Variants in KRT74 observed in about 807,000 individuals in gnomAD.
KRT74 encodes the protein keratin 74, also known as keratin, type II cytoskeletal 74.
Under a neutral mutation model 42.7 loss-of-function variants are expected in KRT74, and 43 were observed. That is an observed-to-expected ratio of 1.01 (90% confidence interval 0.79 to 1.30). The LOEUF (loss-of-function observed/expected upper bound fraction) is 1.30, where lower values mean the gene tolerates loss of function less well. Among genes scored for constraint, KRT74 ranks in the 50% most tolerant of loss-of-function variants. The probability of loss-of-function intolerance (pLI) is 0.00; values close to 1 mark genes in which losing one functional copy is unlikely to be tolerated. For synonymous variants in KRT74, 302 were observed against 279.0 expected (o/e 1.08, Z -0.82); for missense variants, 736 against 689.1 (o/e 1.07, Z -0.76).
Position 52,573,545 on chromosome 12 carries a change from C to A in KRT74, c.233G>T (p.Gly78Val). ...GGCCCGGCCCCCTCCATACCCAGAG[C>A]CAGGCCTGAAGCCGTAACCTCCAGC... ...VRAGGYGFRP[G>V]SGYGGGRASG... The change falls in exon 1 of 9, where the codon GGC becomes GTC. Residue 78 changes from glycine to valine, a missense_variant. Gly to Val is a moderately radical substitution (Grantham distance 109). Coordinates refer to ENST00000305620, the MANE Select transcript of KRT74 (RefSeq NM_175053.4). The A allele has an allele frequency of 6.2e-7, 1 of 1,614,090 alleles. No individual in the cohort carries two copies. Among genetic ancestry groups the A allele is most frequent in the East Asian group, 2.2e-5 (1 of 44,882 alleles).
chr12:52,569,742 C>A, intron 6 of KRT74, 117 bp downstream of exon 6: 1 of 1,356,538 alleles, frequency 7.4e-7, no homozygotes. Context: ...CTGTGGGTGG[C>A]CGAGGGACCC....
Position 52,570,769 on chromosome 12 carries a change from C to T in KRT74, c.908G>A (p.Arg303Gln), listed in dbSNP as rs766622686. The change falls in exon 5 of 9, where the codon CGG becomes CAG. Residue 303 changes from arginine (R) to glutamine (Q), a missense_variant. Arg to Gln is a conservative substitution (Grantham distance 43). Transcript: ENST00000305620. ...TSVILSMDNN[R>Q]DLDLDSIIAE... ...GATGATGCTGTCAAGGTCCAGGTCCCGGTTGTTGTCCATGGACAGGATGAC... is the reference window on the plus strand; with the variant it reads ...GATGATGCTGTCAAGGTCCAGGTCCTGGTTGTTGTCCATGGACAGGATGAC... 29 of 1,614,226 alleles carry T rather than the reference C, an allele frequency of 1.8e-5. No homozygotes were observed. The highest frequency in any genetic ancestry group is 1.6e-4 in the Middle Eastern group (1 of 6,062).
chr12:52,572,393 T>C (rs1565608735), intron 2 of KRT74, 60 bp downstream of exon 2: 1 of 1,558,804 alleles, frequency 6.4e-7, no homozygotes, highest in Non-Finnish European at 8.8e-7. Flanking sequence ...GGCACAGAGA[T>C]CAGGTGAGCC....
intron 5 of KRT74, 68 bp downstream of exon 5, chr12:52,570,601 T>A: frequency 5.9e-6 from 9 of 1,534,138 alleles, no homozygotes; most frequent in Non-Finnish European, 7.2e-6. Flanking sequence ...TTCCTCACAT[T>A]CACTGTGCAG....
Position 52,569,047 on chromosome 12 carries a change from T to C in KRT74, c.1135-658A>G, listed in dbSNP as rs1254148062. Among the ~76,000 whole-genome samples the C allele has an allele frequency of 2.6e-5, 4 of 152,114 alleles. No individual in the cohort carries two copies. In the East Asian group the frequency reaches 7.7e-4, roughly 29 times the overall value. On this transcript the variant is annotated intron_variant, in intron 6 of 8. Coordinates refer to ENST00000305620, the MANE Select transcript of KRT74 (RefSeq NM_175053.4). ...TGTGAATCGGCCAAATGTAGAGTCGTAGAGTTGTCCCTGTGTTTGCCTGCA... is the reference window on the plus strand; with the variant it reads ...TGTGAATCGGCCAAATGTAGAGTCGCAGAGTTGTCCCTGTGTTTGCCTGCA...
chr12:52,568,930 G>T (rs1441301939), intron 6 of KRT74, among the ~76,000 whole-genome samples: 1 of 152,212 alleles, frequency 6.6e-6, no homozygotes, highest in South Asian at 2.1e-4. Flanking sequence ...TAAATTATAG[G>T]CACAACCTCA....
At position 52,572,363 on chromosome 12, in the gene KRT74, C is replaced by T. The variant is rs559559757; in HGVS notation, c.686+90G>A. 1.1e-5 allele frequency: 15 copies of T among 1,368,224 alleles called. No individual in the cohort carries two copies. The African/African-American group carries it at 2.0e-4, about 18-fold the overall frequency. 84.8% of individuals were successfully genotyped at this position (1,368,224 alleles called of 1,614,324 possible). On this transcript the variant is annotated intron_variant, in intron 2 of 8. Coordinates refer to ENST00000305620, the MANE Select transcript of KRT74 (RefSeq NM_175053.4). ...AGCTCCTGACCCTGGTGCATACTCCCCCATCTCCTAAAAAATAATGGCACA... is the reference window on the plus strand; with the variant it reads ...AGCTCCTGACCCTGGTGCATACTCCTCCATCTCCTAAAAAATAATGGCACA...
At chr12:52,572,910 G>C (rs752293597) in intron 1 of KRT74, among the ~76,000 whole-genome samples, 2 of 152,022 alleles carry the variant, frequency 1.3e-5, no homozygotes, top group African/African-American at 2.4e-5. Context: ...TCTATTGCTC[G>C]GCCCTGGTCC....
chr12:52,570,959 A>G, intron 4 of KRT74, 126 bp from the exon 5 acceptor site: 5 of 1,078,622 alleles, frequency 4.6e-6, no homozygotes, highest in Non-Finnish European at 5.6e-6. Flanking sequence ...AGTAGGGGGA[A>G]GAAGTGCCCT....
At chr12:52,569,830 C>A (rs371960701) in intron 6 of KRT74, 29 bp downstream of exon 6, 1 of 1,613,964 alleles carries the variant, frequency 6.2e-7, no homozygotes, top group Non-Finnish European at 8.5e-7. Context: ...CTGTGGAGAC[C>A]GGGAGTTCTT....
rs1408157702 is a variant in KRT74 at position 52,568,222 on chromosome 12, G to C, written c.1302C>G (p.Ala434=). 6.2e-7 allele frequency: 1 copy of C among 1,613,954 alleles called. No individual in the cohort carries two copies. The highest frequency in any genetic ancestry group is 8.5e-7 in the Non-Finnish European group (1 of 1,180,016). ...GGTAGGTGGCAATCTCCATGTCCAG[G>C]GCCAGTTTCAGGCTCATGAGCTCCT... is the stretch of plus-strand genomic sequence containing the variant. The part of the protein sequence containing the change: ...EYQELMSLKL[A]LDMEIATYRK... The change falls in exon 7 of 9, where the codon GCC becomes GCG. Residue 434 remains alanine (A), a synonymous_variant. Coordinates refer to ENST00000305620, the MANE Select transcript of KRT74 (RefSeq NM_175053.4).
intron 7 of KRT74, 41 bp downstream of exon 7, chr12:52,568,128 A>T (rs752639453): frequency 1.2e-6 from 2 of 1,610,940 alleles, no homozygotes; most frequent in South Asian, 2.2e-5. Context: ...CAGGAGCCAC[A>T]CCCCAGTCCC....
At chr12:52,569,748 G>A (rs1191386270) in intron 6 of KRT74, 111 bp downstream of exon 6, 2 of 1,402,104 alleles carry the variant, frequency 1.4e-6, no homozygotes, top group East Asian at 2.3e-5. Flanking sequence ...GTGGCCGAGG[G>A]ACCCCTAAGC....
chr12:52,566,685 T>C lies in KRT74; in HGVS notation c.*284A>G. ...CTTTCTAGGGATGATCACAGCTTCC[T>C]TAGGGCCAAGAAGGTTATAATGGCT... On this transcript the variant is annotated 3_prime_UTR_variant, in exon 9 of 9. Transcript: ENST00000305620. 1 of 368,128 alleles carries C rather than the reference T, an allele frequency of 2.7e-6. No individual in the cohort carries two copies. Among genetic ancestry groups the C allele is most frequent in the Non-Finnish European group, 4.9e-6 (1 of 204,986 alleles). The allele number at this position is 368,128 out of a possible 1,614,324, so 22.8% of individuals were successfully genotyped here. A position where few individuals can be genotyped will look rare whatever the true frequency, so the allele number is the denominator to read the frequency against.
chr12:52,569,009 T>C (rs1165966242), intron 6 of KRT74, among the ~76,000 whole-genome samples: 1 of 152,228 alleles, frequency 6.6e-6, no homozygotes, highest in Non-Finnish European at 1.5e-5. Context: ...GGAGGAACTA[T>C]GCTCATGGAA....
intron 4 of KRT74, among the ~76,000 whole-genome samples, chr12:52,571,037 G>C (rs1039617065): frequency 1.3e-5 from 2 of 152,266 alleles, no homozygotes; most frequent in Non-Finnish European, 2.9e-5. Flanking sequence ...TATGGCAGAT[G>C]CCCGCTGGCA....
chr12:52,568,614 G>A (rs1028096847), intron 6 of KRT74: 4 of 605,718 alleles, frequency 6.6e-6, no homozygotes, highest in Non-Finnish European at 1.2e-5. Flanking sequence ...CAGGAGGTCA[G>A]GAAGAAATGT....
Position 52,573,827 on chromosome 12 carries a change from G to A in KRT74, c.-50C>T, listed in dbSNP as rs1939534647. 1 of 1,444,440 alleles carries A rather than the reference G, an allele frequency of 6.9e-7. No homozygotes were observed. The highest frequency in any genetic ancestry group is 9.7e-7 in the Non-Finnish European group (1 of 1,029,782). 89.5% of individuals were successfully genotyped at this position (1,444,440 alleles called of 1,614,324 possible). On this transcript the variant is annotated 5_prime_UTR_variant, in exon 1 of 9. Coordinates refer to ENST00000305620, the MANE Select transcript of KRT74 (RefSeq NM_175053.4). ...GCTGGAGAAAAGCAGTCTCCAAGGG[G>A]TAGAGAACACACTGATGGGGCACCC...
Position 52,570,654 on chromosome 12 carries a change from C to A in KRT74, c.1008+15G>T. On this transcript the variant is annotated intron_variant, in intron 5 of 8. Transcript: ENST00000305620. ...GCGAAGGGCTGCTGTGGGAGGAGAC[C>A]CATTCGGTGACCACCTTGGTCTGGT... 6.2e-7 allele frequency: 1 copy of A among 1,614,140 alleles called. No individual in the cohort carries two copies. The highest frequency in any genetic ancestry group is 8.5e-7 in the Non-Finnish European group (1 of 1,180,004).
Sources: gnomAD v4.1 joint callset for allele counts (sites outside exome capture counted in the v4.1 genomes callset) on GRCh38, gnomAD v4.1.1 for gene constraint, MANE v1.5 for transcripts, NCBI Gene and HGNC (gene_info 2026-07-23, HGNC 2026-07-21) for gene names.